PNPT1: variants seen among roughly 807,000 people sequenced by gnomAD.
PNPT1 encodes polyribonucleotide nucleotidyltransferase 1, mitochondrial.
In PNPT1, 53 loss-of-function variants were observed where a neutral mutation model predicts 119.5. The observed-to-expected ratio is 0.44, with a 90% CI of 0.36 to 0.56. The LOEUF is 0.56. Ranked by LOEUF, PNPT1 falls within the 20% of genes least tolerant of loss-of-function variation. PNPT1 has a pLI of 0.00. For missense variants in PNPT1, 948 were observed against 938.5 expected (o/e 1.01, Z -0.13); for synonymous variants, 357 against 322.1 (o/e 1.11, Z -1.16).
chr2:55,656,460 G>T (rs766834160), intron 15 of PNPT1, 89 bp from the exon 16 acceptor site: 2 of 1,166,118 alleles, frequency 1.7e-6, no homozygotes, highest in Non-Finnish European at 2.4e-6. Flanking sequence ...ACAACTTATA[G>T]AACAGTAGAA....
rs767390956 is a variant in PNPT1 at position 55,672,930 on chromosome 2, A to G, written c.829T>C (p.Phe277Leu). ...TTCACAATCTCTGGCGAAGGGGTAA[A>G]TAACTTCTGAGGTGTCCTCTTGGTA... ...GVTKRTPQKL[F>L]TPSPEIVKYT... is the part of the protein sequence containing the mutation. The change falls in exon 9 of 28, where the codon TTT becomes CTT. Residue 277 changes from phenylalanine (F) to leucine (L), a missense_variant. Phe to Leu is a conservative substitution (Grantham distance 22, BLOSUM62 0). Transcript: ENST00000447944. 2 of 1,609,592 alleles carry G rather than the reference A, an allele frequency of 1.2e-6. No homozygotes were observed. The highest frequency in any genetic ancestry group is 8.5e-7 in the Non-Finnish European group (1 of 1,178,930).
Position 55,673,090 on chromosome 2 carries a change from G to GAA in PNPT1, c.680-13_680-12dup. Reference sequence around the variant, plus strand: ...AGGCTTCCAACATGACTATTTAAAGGAAAAAGAAAAAAAAAATGACTGCCA... The same window carrying GAA: ...AGGCTTCCAACATGACTATTTAAAGGAAAAAAAGAAAAAAAAAATGACTGCCA... On this transcript the variant is annotated splice_polypyrimidine_tract_variant and intron_variant, in intron 8 of 27. Coordinates refer to ENST00000447944, the MANE Select transcript of PNPT1 (RefSeq NM_033109.5). The GAA allele has an allele frequency of 6.7e-7, 1 of 1,497,920 alleles. No homozygotes were observed. The highest frequency in any genetic ancestry group is 8.9e-7 in the Non-Finnish European group (1 of 1,127,968). 92.8% of individuals were successfully genotyped at this position (1,497,920 alleles called of 1,614,324 possible).
intron 18 of PNPT1, 61 bp from the exon 19 acceptor site, chr2:55,647,514 A>G: frequency 1.5e-6 from 2 of 1,317,194 alleles, no homozygotes; most frequent in Non-Finnish European, 2.1e-6. Flanking sequence ...ACAAATATTT[A>G]TCTATCAATT....
At chr2:55,666,943 TA>T (rs1418114664) in intron 13 of PNPT1, 47 bp downstream of exon 13, 27 of 1,269,518 alleles carry the variant, frequency 2.1e-5, no homozygotes, top group Non-Finnish European at 2.8e-5. Flanking sequence ...TAGATCTAAT[TA>T]AACAATCTTA....
chr2:55,688,758 A>G (rs1255154757), intron 1 of PNPT1, among the ~76,000 whole-genome samples: 1 of 151,370 alleles, frequency 6.6e-6, no homozygotes, highest in African/African-American at 2.4e-5. Context: ...CAACAACAAC[A>G]ACAACAACAA....
intron 1 of PNPT1, among the ~76,000 whole-genome samples, chr2:55,688,742 A>AAACAAC (rs763018631): frequency 1.3e-5 from 2 of 152,072 alleles, no homozygotes; most frequent in African/African-American, 4.8e-5. Flanking sequence ...AAACAAAACA[A>AAACAAC]AACAACAACA....
chr2:55,691,781 C>T (rs1402609484), intron 1 of PNPT1, among the ~76,000 whole-genome samples: 1 of 148,748 alleles, frequency 6.7e-6, no homozygotes, highest in Non-Finnish European at 1.5e-5. Context: ...TTAGAGATAA[C>T]CTAGTCTAGG....
intron 4 of PNPT1, among the ~76,000 whole-genome samples, chr2:55,684,265 G>A (rs1033446813): frequency 7.2e-5 from 11 of 152,244 alleles, no homozygotes; most frequent in African/African-American, 2.4e-4. Flanking sequence ...GCTGAGGCGG[G>A]TGGATCACGA....
intron 11 of PNPT1, among the ~76,000 whole-genome samples, chr2:55,670,968 G>C (rs1417928233): frequency 5.0e-5 from 1 of 19,802 alleles, no homozygotes; most frequent in Non-Finnish European, 1.3e-4. Flanking sequence ...TTCAACTAAA[G>C]TTAAAAAAAA....
chr2:55,678,652 C>G (rs1697157666), intron 8 of PNPT1, among the ~76,000 whole-genome samples: 1 of 152,146 alleles, frequency 6.6e-6, no homozygotes, highest in Non-Finnish European at 1.5e-5. Context: ...TAAAAGGAAT[C>G]TAGATTTCTT....
intron 11 of PNPT1, among the ~76,000 whole-genome samples, chr2:55,668,895 C>T (rs1483924805): frequency 2.6e-5 from 4 of 152,156 alleles, no homozygotes; most frequent in Admixed American, 1.3e-4. Context: ...CCACTGTGCC[C>T]GGCCTAACTG....
At chr2:55,640,787 G>A (rs776197639) in intron 25 of PNPT1, 82 bp from the exon 26 acceptor site, 11 of 984,120 alleles carry the variant, frequency 1.1e-5, no homozygotes, top group South Asian at 3.0e-5. Flanking sequence ...GTTTTCATAT[G>A]AGGAAAAAGT....
rs371538554 is a variant in PNPT1, at chr2:55,671,344, T to C, written c.951A>G (p.Arg317=). 9.7e-5 allele frequency: 150 copies of C among 1,545,080 alleles called. No homozygotes were observed. Among genetic ancestry groups the C allele is most frequent in the Non-Finnish European group, 1.2e-4 (139 of 1,144,892 alleles). ...VSRDEAVNKI[R]LDTEEQLKEK... ...CTTTTAGTTGTTCCTCCGTATCTAA[T>C]CTTATTTTGTTAACAGCTTCATCTC... Residue 317 remains arginine (R), a synonymous_variant, in exon 11 of 28, where the codon AGA becomes AGG. Coordinates refer to ENST00000447944, the MANE Select transcript of PNPT1 (RefSeq NM_033109.5).
intron 12 of PNPT1, among the ~76,000 whole-genome samples, chr2:55,667,633 C>G (rs543637263): frequency 6.6e-6 from 1 of 151,900 alleles, no homozygotes; most frequent in African/African-American, 2.4e-5. Context: ...TACAGGTAAT[C>G]CTGAAGTGCA....
At chr2:55,645,897 G>A (rs1025543675) in intron 21 of PNPT1, among the ~76,000 whole-genome samples, 3 of 151,810 alleles carry the variant, frequency 2.0e-5, no homozygotes, top group Non-Finnish European at 4.4e-5. Flanking sequence ...GCATGATCTC[G>A]GCTCACTGTA....
intron 17 of PNPT1, among the ~76,000 whole-genome samples, chr2:55,655,580 CAA>C (rs1206159117): frequency 6.6e-6 from 1 of 152,232 alleles, no homozygotes; most frequent in African/African-American, 2.4e-5. Flanking sequence ...TAGAGAACCA[CAA>C]AGTCTTTAGT....
At chr2:55,644,074 A>C (rs572867309) in intron 23 of PNPT1, among the ~76,000 whole-genome samples, 4 of 152,178 alleles carry the variant, frequency 2.6e-5, no homozygotes, top group African/African-American at 9.6e-5. Context: ...CCCTTTCCTT[A>C]CTTTTTTTCT....
intron 17 of PNPT1, among the ~76,000 whole-genome samples, 176 bp downstream of exon 17, chr2:55,655,955 T>C (rs1419839774): frequency 6.6e-6 from 1 of 152,224 alleles, no homozygotes; most frequent in East Asian, 1.9e-4. Context: ...TCAAAACAAC[T>C]CATTAGCTAA....
intron 17 of PNPT1, among the ~76,000 whole-genome samples, chr2:55,655,208 GGACA>G (rs1330789576): frequency 1.2e-4 from 18 of 152,010 alleles, no homozygotes; most frequent in African/African-American, 4.4e-4. Flanking sequence ...CAACTAGATA[GGACA>G]GATAAAGAGG....
Sources: gnomAD v4.1 joint callset for allele counts (sites outside exome capture counted in the v4.1 genomes callset) on GRCh38, gnomAD v4.1.1 for gene constraint, MANE v1.5 for transcripts, NCBI Gene and HGNC (gene_info 2026-07-23, HGNC 2026-07-21) for gene names.